CYRIB: variants seen among roughly 807,000 people sequenced by gnomAD.
The protein encoded by CYRIB is CYFIP-related Rac1 interactor B.
Under a neutral mutation model 44.2 loss-of-function variants are expected in CYRIB, and 8 were observed. The observed-to-expected ratio is 0.18, with a 90% CI of 0.11 to 0.33. CYRIB has a LOEUF of 0.33. Among genes scored for constraint, CYRIB ranks in the 10% least tolerant of loss-of-function variants. The probability of loss-of-function intolerance (pLI) is 1.00; values close to 1 mark genes in which losing one functional copy is unlikely to be tolerated. For synonymous variants in CYRIB, 131 were observed against 127.2 expected (o/e 1.03, Z -0.20); for missense variants, 185 against 382.8 (o/e 0.48, Z 4.31).
chr8:129,944,181 A>G (rs1341905415), upstream of CYRIB, among the ~76,000 whole-genome samples: 1 of 152,188 alleles, frequency 6.6e-6, no homozygotes, highest in Non-Finnish European at 1.5e-5. Context: ...ACAGGGTCCA[A>G]TATGGACTAC....
chr8:129,923,499 T>C (rs2085202358), intron 1 of CYRIB, among the ~76,000 whole-genome samples: 1 of 152,056 alleles, frequency 6.6e-6, no homozygotes, highest in Admixed American at 6.5e-5. Context: ...GGTCTCAAAC[T>C]CCTGGCCTCA....
intron 1 of CYRIB, among the ~76,000 whole-genome samples, chr8:129,929,130 C>G (rs141287552): frequency 6.6e-6 from 1 of 152,280 alleles, no homozygotes; most frequent in Non-Finnish European, 1.5e-5. Flanking sequence ...CTGATACACT[C>G]AACATGCATG....
chr8:129,842,033 A>G, exon 12 of CYRIB: 1 of 756,760 alleles, frequency 1.3e-6, no homozygotes. Context: ...AGAGGAAAGA[A>G]ATAAAAGCAA....
intron 2 of CYRIB, among the ~76,000 whole-genome samples, chr8:129,895,738 G>A (rs2067712191): frequency 6.6e-6 from 1 of 152,130 alleles, no homozygotes; most frequent in African/African-American, 2.4e-5. Flanking sequence ...GAATGAGGGT[G>A]AATGAATAAA....
chr8:129,849,156 G>A (rs371540814), intron 10 of CYRIB, 87 bp downstream of exon 12: 70 of 1,288,362 alleles, frequency 5.4e-5, no homozygotes, highest in African/African-American at 3.0e-4. Context: ...GTGAGAGTCC[G>A]GTTTGCTGGC....
intron 2 of CYRIB, among the ~76,000 whole-genome samples, chr8:129,889,181 T>C (rs2064036739): frequency 6.6e-6 from 1 of 152,202 alleles, no homozygotes; most frequent in South Asian, 2.1e-4. Context: ...AAAGCCTAGA[T>C]GACAGCATAT....
At chr8:129,959,418 T>C (rs1158910117) in intron 2 of CYRIB, among the ~76,000 whole-genome samples, 1 of 152,094 alleles carries the variant, frequency 6.6e-6, no homozygotes, top group Non-Finnish European at 1.5e-5. Flanking sequence ...GAAAAATACA[T>C]GTAGAGTACC....
chr8:129,863,006 C>G (rs1295705005), intron 4 of CYRIB, among the ~76,000 whole-genome samples: 1 of 151,818 alleles, frequency 6.6e-6, no homozygotes, highest in Non-Finnish European at 1.5e-5. Flanking sequence ...CCCAGCAGAT[C>G]CACAAAAAAA....
At chr8:129,931,499 C>T (rs955008133) in intron 1 of CYRIB, among the ~76,000 whole-genome samples, 3 of 152,128 alleles carry the variant, frequency 2.0e-5, no homozygotes, top group African/African-American at 7.2e-5. Context: ...ATTAAAGTGA[C>T]CAACTCATCT....
intron 2 of CYRIB, among the ~76,000 whole-genome samples, chr8:129,901,134 T>C (rs974882664): frequency 3.3e-5 from 5 of 152,220 alleles, no homozygotes; most frequent in African/African-American, 1.2e-4. Flanking sequence ...TTTGTATTTC[T>C]AGTAGAGATG....
At chr8:129,964,708 G>A (rs1405097533) in intron 2 of CYRIB, among the ~76,000 whole-genome samples, 1 of 152,070 alleles carries the variant, frequency 6.6e-6, no homozygotes, top group Non-Finnish European at 1.5e-5. Flanking sequence ...AGATAGGGAG[G>A]CCCCTGTCTC....
chr8:129,886,974 C>T (rs2063023179), intron 2 of CYRIB, among the ~76,000 whole-genome samples: 2 of 152,120 alleles, frequency 1.3e-5, no homozygotes, highest in Non-Finnish European at 2.9e-5. Context: ...CATGCAATGA[C>T]TCACTAACAC....
chr8:130,000,053 A>G (rs1462569322), intron 1 of CYRIB, among the ~76,000 whole-genome samples: 1 of 152,166 alleles, frequency 6.6e-6, no homozygotes, highest in African/African-American at 2.4e-5. Context: ...AACTGTAAGG[A>G]CAAGGAGCAT....
At chr8:129,922,958 G>A (rs565720880) in intron 1 of CYRIB, among the ~76,000 whole-genome samples, 35 of 151,558 alleles carry the variant, frequency 2.3e-4, no homozygotes, top group Non-Finnish European at 3.1e-4. Flanking sequence ...GGCCGGGCGC[G>A]GTGGCTCACT....
intron 1 of CYRIB, among the ~76,000 whole-genome samples, chr8:129,936,299 C>T (rs998859979): frequency 6.6e-6 from 1 of 152,126 alleles, no homozygotes; most frequent in African/African-American, 2.4e-5. Flanking sequence ...TAATGGCATA[C>T]CTAAGGTCTC....
chr8:129,857,365 G>A (rs1167288844), intron 5 of CYRIB, among the ~76,000 whole-genome samples: 1 of 152,208 alleles, frequency 6.6e-6, no homozygotes, highest in Non-Finnish European at 1.5e-5. Flanking sequence ...GAAGTATGTA[G>A]TAAGGATGAA....
chr8:129,878,971 T>G (rs1236944154), intron 3 of CYRIB, among the ~76,000 whole-genome samples: 2 of 152,218 alleles, frequency 1.3e-5, no homozygotes, highest in Non-Finnish European at 2.9e-5. Context: ...AGATTGATAT[T>G]TGAAATACTT....
intron 10 of CYRIB, 36 bp from the exon 13 acceptor site, chr8:129,846,910 A>AT: frequency 3.8e-6 from 5 of 1,301,620 alleles, no homozygotes; most frequent in Admixed American, 2.3e-5. Flanking sequence ...TAAAACAGCC[A>AT]TTTTTTTCAT....
chr8:129,967,263 T>G (rs2095510434), intron 2 of CYRIB, among the ~76,000 whole-genome samples: 1 of 152,254 alleles, frequency 6.6e-6, no homozygotes, highest in Non-Finnish European at 1.5e-5. Context: ...TTGAAACTGG[T>G]CATGGTGGAA....
Sources: allele counts gnomAD v4.1 joint callset (sites outside exome capture counted in the v4.1 genomes callset), GRCh38; gene constraint gnomAD v4.1.1; transcripts MANE v1.5; gene names NCBI Gene and HGNC (gene_info 2026-07-23, HGNC 2026-07-21).